The following CELSR2 variants were observed in gnomAD, a reference collection of about 807,000 sequenced individuals.
CELSR2 encodes cadherin EGF LAG seven-pass G-type receptor 2, also known as EGF-like protein 2.
A neutral mutation model predicts 251.6 loss-of-function variants in CELSR2; 81 were observed. The observed-to-expected ratio is 0.32, with a 90% CI of 0.27 to 0.39. CELSR2 has a LOEUF of 0.39. Ranked by LOEUF, CELSR2 falls within the 10% of genes least tolerant of loss-of-function variation. The pLI, the probability that CELSR2 is intolerant of heterozygous loss-of-function variation, is 1.00. For synonymous variants in CELSR2, 1,721 were observed against 1,670.5 expected (o/e 1.03, Z -0.74); for missense variants, 3,365 against 3,947.7 (o/e 0.85, Z 3.96).
chr1:109,255,312 C>T (rs1479308341), intron 1 of CELSR2, among the ~76,000 whole-genome samples: 1 of 152,194 alleles, frequency 6.6e-6, no homozygotes, highest in Non-Finnish European at 1.5e-5. Flanking sequence ...GGTGCCCTCT[C>T]CCTGCTCCTG....
rs1183300271 is a variant in CELSR2, at chr1:109,271,412, T to C, written c.7703T>C (p.Val2568Ala). The C allele has an allele frequency of 1.9e-6, 3 of 1,613,682 alleles. No homozygotes were observed. The highest frequency in any genetic ancestry group is 8.5e-7 in the Non-Finnish European group (1 of 1,180,012). ...TCGGGCCTGCAGCCCTCCTTCGCCG[T>C]CCTCCTGCTGCTGAGCGCCACGTGG... Reference protein sequence around the residue: ...PVSGLQPSFAVLLLLSATWLL... With the variant: ...PVSGLQPSFAALLLLSATWLL... The change falls in exon 27 of 34, where the codon GTC becomes GCC. Residue 2568 changes from valine (V) to alanine (A), a missense_variant. By Grantham distance (64) the Val-to-Ala change is moderately conservative (BLOSUM62 0). Transcript: ENST00000271332.
chr1:109,274,085 C>G lies in CELSR2; in HGVS notation c.*36C>G. On this transcript the variant is annotated 3_prime_UTR_variant, in exon 34 of 34. Coordinates refer to ENST00000271332, the MANE Select transcript of CELSR2 (RefSeq NM_001408.3). ...TGGTTCCTACGCCCGAGGCTCCCTT[C>G]CCTTCCCCAGCCGCACTCATGCCCT... 1 of 1,613,994 alleles carries G rather than the reference C, an allele frequency of 6.2e-7. No homozygotes were observed. The highest frequency in any genetic ancestry group is 8.5e-7 in the Non-Finnish European group (1 of 1,180,002).
chr1:109,267,943 T>A lies in CELSR2; in HGVS notation c.6201T>A (p.Ala2067=). The A allele has an allele frequency of 6.2e-7, 1 of 1,611,748 alleles. No homozygotes were observed. Among genetic ancestry groups the A allele is most frequent in the Non-Finnish European group, 8.5e-7 (1 of 1,179,780 alleles). Residue 2067 remains alanine (A), a synonymous_variant, in exon 17 of 34, where the codon GCT becomes GCA. Coordinates refer to ENST00000271332, the MANE Select transcript of CELSR2 (RefSeq NM_001408.3). ...TGCGCAACGCCACGCAGCACACAGC[T>A]GGCTACTTCGGCAGCGACGTCAAGG... ...LLLRNATQHT[A]GYFGSDVKVA...
At chr1:109,263,839 G>A (rs1656105852) in intron 9 of CELSR2, 62 bp downstream of exon 9, 9 of 1,569,946 alleles carry the variant, frequency 5.7e-6, no homozygotes, top group Non-Finnish European at 6.0e-6. Context: ...CCTCTAGGCG[G>A]CTGGACAGAA....
rs1655938637 is a variant in CELSR2, at chr1:109,258,890, GCCT to G, written c.3778_3780del (p.Ser1260del). 4 of 1,612,288 alleles carry G rather than the reference GCCT, an allele frequency of 2.5e-6. No individual in the cohort carries two copies. Among genetic ancestry groups the G allele is most frequent in the African/African-American group, 1.3e-5 (1 of 74,910 alleles). On this transcript the variant is annotated inframe_deletion, in exon 2 of 34. Coordinates refer to ENST00000271332, the MANE Select transcript of CELSR2 (RefSeq NM_001408.3). ...CTTCGACTCCTCCGCGCCCTTCATC[GCCT>G]CCTCCTCCGTGCTCTTCCGGCCCAT...
Position 109,274,660 on chromosome 1 carries a change from A to C in CELSR2, c.*611A>C. The stretch of plus-strand genomic sequence containing the variant: ...CGCACTGCCTCTCCCAGGAACTGGA[A>C]AAGCCCTGTCCGGTGAGGGGGCAGA... On this transcript the variant is annotated 3_prime_UTR_variant, in exon 34 of 34. Coordinates refer to ENST00000271332, the MANE Select transcript of CELSR2 (RefSeq NM_001408.3). 1 of 153,376 alleles carries C rather than the reference A, an allele frequency of 6.5e-6. No homozygotes were observed. Among genetic ancestry groups the C allele is most frequent in the Non-Finnish European group, 1.5e-5 (1 of 68,686 alleles). The allele number at this position is 153,376 out of a possible 1,614,324, so 9.5% of individuals were successfully genotyped here.
chr1:109,253,530 A>G (rs1570776603), intron 1 of CELSR2, 141 bp downstream of exon 1: 1 of 1,428,172 alleles, frequency 7.0e-7, no homozygotes. Context: ...AGGAGGGGCA[A>G]GAGCCAGCTT....
chr1:109,254,230 A>G (rs1655784991), intron 1 of CELSR2, among the ~76,000 whole-genome samples: 1 of 152,182 alleles, frequency 6.6e-6, no homozygotes, highest in South Asian at 2.1e-4. Context: ...AATGGAGTGT[A>G]GGGACCAGGA....
At position 109,258,795 on chromosome 1, in the gene CELSR2, T is replaced by C; in HGVS notation, c.3674T>C (p.Leu1225Pro). The C allele has an allele frequency of 1.2e-6, 2 of 1,609,724 alleles. No homozygotes were observed. The highest frequency in any genetic ancestry group is 1.7e-6 in the Non-Finnish European group (2 of 1,178,212). ...ACGGCCATCTCGGCACAGCGCGTGC[T>C]GCCCTTCGACGACAACATCTGCCTG... ...LLTAISAQRV[L>P]PFDDNICLRE... Residue 1225 changes from leucine to proline, a missense_variant, in exon 2 of 34, where the codon CTG becomes CCG. This residue lies in a region of CELSR2 where 2,093 missense variants were observed against 2,382.8 expected (regional missense o/e 0.88). Coordinates refer to ENST00000271332, the MANE Select transcript of CELSR2 (RefSeq NM_001408.3).
intron 15 of CELSR2, chr1:109,266,487 CGCT>C (rs1037234192): frequency 1.0e-5 from 3 of 295,222 alleles, no homozygotes; most frequent in African/African-American, 6.6e-5. Flanking sequence ...GATCTCCGCT[CGCT>C]GCAACCTCTG....
chr1:109,263,343 A>ACTGGGCAGGGCTCTG, intron 8 of CELSR2, 76 bp downstream of exon 8: 1 of 1,518,336 alleles, frequency 6.6e-7, no homozygotes, highest in Non-Finnish European at 8.9e-7. Flanking sequence ...TGGGGCAGGC[A>ACTGGGCAGGGCTCTG]CTGGGCAGGG....
rs1359926134 is a variant in CELSR2 at position 109,251,817 on chromosome 1, G to T, written c.1738G>T (p.Val580Leu). 20 of 1,613,986 alleles carry T rather than the reference G, an allele frequency of 1.2e-5. No homozygotes were observed. The highest frequency in any genetic ancestry group is 1.7e-5 in the Non-Finnish European group (20 of 1,180,040). ...REEVDFYSFG[V>L]EARDHGTPAL... Reference sequence around the variant, plus strand: ...GGAAGTTGATTTCTACAGCTTTGGGGTAGAAGCTCGAGACCATGGCACTCC... The same window carrying T: ...GGAAGTTGATTTCTACAGCTTTGGGTTAGAAGCTCGAGACCATGGCACTCC... Residue 580 changes from valine (V) to leucine (L), a missense_variant, in exon 1 of 34, where the codon GTA (valine) becomes TTA (leucine). Transcript: ENST00000271332. The surrounding 1 kb of genome is among the most constrained non-coding windows in gnomAD (Gnocchi z 4.9).
chr1:109,261,214 C>T lies in CELSR2; in HGVS notation c.4131C>T (p.Phe1377=), dbSNP rs1243837150. 6.2e-7 allele frequency: 1 copy of T among 1,614,096 alleles called. No homozygotes were observed. The highest frequency in any genetic ancestry group is 8.5e-7 in the Non-Finnish European group (1 of 1,180,034). ...CGCGCAGCTTCCCCGCCCACTCCTT[C>T]ATCACCTTTCGCGGCCTGCGCCAGC... ...VTTRSFPAHS[F]ITFRGLRQRF... is the part of the protein sequence containing the mutation. The change falls in exon 3 of 34, where the codon TTC becomes TTT. Residue 1377 remains phenylalanine (F), a synonymous_variant. Transcript: ENST00000271332. The surrounding 1 kb of genome is among the most constrained non-coding windows in gnomAD (Gnocchi z 4.8).
chr1:109,263,256 G>A lies in CELSR2; in HGVS notation c.4823G>A (p.Ser1608Asn). 6.3e-7 allele frequency: 1 copy of A among 1,582,416 alleles called. No individual in the cohort carries two copies. Among genetic ancestry groups the A allele is most frequent in the Non-Finnish European group, 8.6e-7 (1 of 1,156,448 alleles). The change falls in exon 8 of 34, where the codon AGC becomes AAC. Residue 1608 changes from serine (S) to asparagine (N), a missense_variant. By Grantham distance (46) the Ser-to-Asn change is conservative (BLOSUM62 1). Transcript: ENST00000271332. ...TGCCCCCTGGGCTTTGGGGGCAAGAGCTGCGCCCAGGGTAGGAGGGGCGGC... is the reference window on the plus strand; with the variant it reads ...TGCCCCCTGGGCTTTGGGGGCAAGAACTGCGCCCAGGGTAGGAGGGGCGGC... The part of the protein sequence containing the change: ...CECPLGFGGK[S>N]CAQEMANPQH...
intron 33 of CELSR2, 152 bp from the exon 34 acceptor site, chr1:109,273,870 C>G: frequency 8.5e-7 from 1 of 1,183,288 alleles, no homozygotes; most frequent in Non-Finnish European, 1.3e-6. Flanking sequence ...AGGCTCTACG[C>G]GGCGCAGCCC....
At chr1:109,255,493 C>G (rs1655820780) in intron 1 of CELSR2, among the ~76,000 whole-genome samples, 1 of 152,252 alleles carries the variant, frequency 6.6e-6, no homozygotes, top group Admixed American at 6.5e-5. Flanking sequence ...CTTTCTTCCT[C>G]TGCTCAGACA....
Position 109,258,781 on chromosome 1 carries a change from G to C in CELSR2, c.3660G>C (p.Ser1220=), listed in dbSNP as rs1422626143. The change falls in exon 2 of 34, where the codon TCG becomes TCC. Residue 1220 remains serine, a synonymous_variant. Coordinates refer to ENST00000271332, the MANE Select transcript of CELSR2 (RefSeq NM_001408.3). ...ACCGCAGCCTGCTGACGGCCATCTCGGCACAGCGCGTGCTGCCCTTCGACG... is the reference window on the plus strand; with the variant it reads ...ACCGCAGCCTGCTGACGGCCATCTCCGCACAGCGCGTGCTGCCCTTCGACG... The part of the protein sequence containing the change: ...YLNRSLLTAI[S]AQRVLPFDDN... 2.5e-6 allele frequency: 4 copies of C among 1,604,644 alleles called. No homozygotes were observed. The highest frequency in any genetic ancestry group is 1.7e-4 in the Middle Eastern group (1 of 6,052).
intron 2 of CELSR2, among the ~76,000 whole-genome samples, chr1:109,260,071 A>G (rs950615932): frequency 7.5e-5 from 11 of 146,100 alleles, no homozygotes; most frequent in Middle Eastern, 6.9e-3. Flanking sequence ...CCTGCCCAGA[A>G]CTTGCCAGAC....
intron 28 of CELSR2, 40 bp from the exon 29 acceptor site, chr1:109,272,230 GCCAGCCAT>G: frequency 6.6e-7 from 1 of 1,523,084 alleles, no homozygotes; most frequent in Non-Finnish European, 8.8e-7. Context: ...CCAGCCTGGG[GCCAGCCAT>G]CCCACTCCCC....
Sources: gnomAD v4.1 joint callset for allele counts (sites outside exome capture counted in the v4.1 genomes callset) on GRCh38, gnomAD v4.1.1 for gene constraint, gnomAD v4.1.1 regional missense constraint, Gnocchi (gnomAD v3.1) non-coding constraint, MANE v1.5 for transcripts, NCBI Gene and HGNC (gene_info 2026-07-23, HGNC 2026-07-21) for gene names.